The following ETV6 variants were observed in gnomAD, a reference collection of about 807,000 sequenced individuals.
ETV6 encodes the protein ETS variant transcription factor 6.
ETV6 carries 16 observed loss-of-function variants against 51.1 expected under a neutral mutation model. The observed-to-expected ratio is 0.31, with a 90% confidence interval of 0.21 to 0.48. The LOEUF (loss-of-function observed/expected upper bound fraction) is 0.48. Ranked by LOEUF, ETV6 falls within the 20% of genes least tolerant of loss-of-function variation. The pLI is 0.99. For missense variants in ETV6, 458 were observed against 594.8 expected, an observed-to-expected ratio of 0.77 and a Z score of 2.39; for synonymous variants, 240 against 224.1, an observed-to-expected ratio of 1.07 and a Z score of -0.64.
intron 3 of ETV6, 135 bp downstream of exon 3, chr12:11,839,439 G>A: frequency 1.1e-6 from 1 of 900,924 alleles, no homozygotes; most frequent in Non-Finnish European, 1.7e-6. Flanking sequence ...ATGGAAGGAA[G>A]TTGAAGGAAG....
intron 2 of ETV6, among the ~76,000 whole-genome samples, chr12:11,762,358 C>G (rs2952828): frequency 0.99 from 150,961 of 152,290 alleles, 74,829 homozygotes; most frequent in Middle Eastern, 1. Flanking sequence ...TGATTAGCGG[C>G]AATCCCCTCT....
chr12:11,693,961 A>G (rs1864822008), intron 1 of ETV6, among the ~76,000 whole-genome samples: 1 of 152,192 alleles, frequency 6.6e-6, no homozygotes, highest in South Asian at 2.1e-4. Flanking sequence ...TTCTCCCTCA[A>G]ACTAGGGAGA....
chr12:11,829,463 G>A (rs913978131), intron 2 of ETV6, among the ~76,000 whole-genome samples: 2 of 152,246 alleles, frequency 1.3e-5, no homozygotes, highest in Admixed American at 1.3e-4. Flanking sequence ...TTTAACCCAG[G>A]ACAATTTGAC....
chr12:11,765,203 C>G, intron 2 of ETV6, among the ~76,000 whole-genome samples: 1 of 152,200 alleles, frequency 6.6e-6, no homozygotes, highest in Non-Finnish European at 1.5e-5. Context: ...AACTATATGA[C>G]TCTCCCTAGT....
chr12:11,678,814 G>A (rs899096168), intron 1 of ETV6, among the ~76,000 whole-genome samples: 1 of 152,190 alleles, frequency 6.6e-6, no homozygotes, highest in African/African-American at 2.4e-5. Context: ...TTTGGGGATT[G>A]GAGAAGATGA....
intron 2 of ETV6, among the ~76,000 whole-genome samples, chr12:11,788,695 T>G (rs1002032277): frequency 1.3e-5 from 2 of 152,002 alleles, no homozygotes; most frequent in Non-Finnish European, 2.9e-5. Flanking sequence ...CACATTCAAA[T>G]CTTTTAACTG....
intron 1 of ETV6, among the ~76,000 whole-genome samples, chr12:11,709,623 A>G (rs1865136675): frequency 6.6e-6 from 1 of 152,230 alleles, no homozygotes. Context: ...CAGTGCTCAT[A>G]TGTATGATCA....
chr12:11,874,658 GTA>G lies in ETV6; in HGVS notation c.1009+4693_1009+4694del, dbSNP rs1555145782. 3.7e-3 allele frequency among the ~76,000 whole-genome samples: 50 copies of G among 13,556 alleles called. 23 individuals are homozygous for G. The highest frequency in any genetic ancestry group is 0.1 in the Middle Eastern group (2 of 20). The allele number at this position is 13,556 out of a possible 152,430, so 8.9% of individuals were successfully genotyped here. A position where few individuals can be genotyped will look rare whatever the true frequency, so the allele number is the denominator to read the frequency against. On this transcript the variant is annotated intron_variant, in intron 5 of 7. Coordinates refer to ENST00000396373, the MANE Select transcript of ETV6 (RefSeq NM_001987.5). Reference sequence around the variant, plus strand: ...TGTGTGTGTATATACACATATGTGTGTATATGTATATATGTGTGTATATATGT... The same window carrying G: ...TGTGTGTGTATATACACATATGTGTGTATGTATATATGTGTGTATATATGT...
intron 2 of ETV6, among the ~76,000 whole-genome samples, chr12:11,764,252 T>TG (rs1945131435): frequency 1.4e-5 from 2 of 145,090 alleles, no homozygotes; most frequent in African/African-American, 5.1e-5. Flanking sequence ...ATAAGCACTA[T>TG]AATTTGCTTA....
intron 3 of ETV6, among the ~76,000 whole-genome samples, chr12:11,851,290 T>C (rs2136486454): frequency 6.6e-6 from 1 of 152,278 alleles, no homozygotes; most frequent in South Asian, 2.1e-4. Flanking sequence ...TGTTTTCATT[T>C]TTCTATTCCG....
chr12:11,889,655 C>T (rs114290865), intron 7 of ETV6, among the ~76,000 whole-genome samples: 1 of 152,198 alleles, frequency 6.6e-6, no homozygotes, highest in African/African-American at 2.4e-5. Flanking sequence ...AGAGCATGCG[C>T]CATGATTTAT....
intron 2 of ETV6, among the ~76,000 whole-genome samples, chr12:11,763,228 T>C (rs898596083): frequency 8.5e-5 from 13 of 152,214 alleles, no homozygotes; most frequent in Non-Finnish European, 1.9e-4. Flanking sequence ...TGAAGCCACC[T>C]CACAAAGTCC....
At chr12:11,746,948 A>G (rs1865920694) in intron 1 of ETV6, among the ~76,000 whole-genome samples, 1 of 152,172 alleles carries the variant, frequency 6.6e-6, no homozygotes, top group Non-Finnish European at 1.5e-5. Flanking sequence ...AAGGCAGAAG[A>G]AAGGGACAAT....
chr12:11,768,855 TA>T, intron 2 of ETV6: 1 of 454,084 alleles, frequency 2.2e-6, no homozygotes, highest in South Asian at 1.6e-5. Context: ...TCCAGCTACA[TA>T]AAGAAGGTGG....
At chr12:11,825,148 C>T (rs1340270034) in intron 2 of ETV6, among the ~76,000 whole-genome samples, 2 of 152,018 alleles carry the variant, frequency 1.3e-5, no homozygotes, top group African/African-American at 2.4e-5. Flanking sequence ...AGATACGAAG[C>T]GTGGGGCAAA....
chr12:11,820,858 A>C (rs187129935), intron 2 of ETV6, among the ~76,000 whole-genome samples: 95 of 152,326 alleles, frequency 6.2e-4, no homozygotes, highest in Admixed American at 2.3e-3. Context: ...GATTTGAATC[A>C]ATCTCTGGCA....
intron 1 of ETV6, among the ~76,000 whole-genome samples, chr12:11,666,206 T>C (rs1864191047): frequency 6.6e-6 from 1 of 152,126 alleles, no homozygotes; most frequent in African/African-American, 2.4e-5. Context: ...TGCTGAAACT[T>C]CTCTGAGGTC....
At chr12:11,859,118 GGTTTTTTTTTTTTTTTTTTT>G (rs1433993673) in intron 4 of ETV6, among the ~76,000 whole-genome samples, 17 of 41,800 alleles carry the variant, frequency 4.1e-4, no homozygotes, top group African/African-American at 7.6e-4. Flanking sequence ...ATATGAATCT[GGTTTTTTTTTTTTTTTTTTT>G]TTTTTTTTTT....
rs76310063 is a variant in ETV6, at chr12:11,791,519, C to A, written c.163+38940C>A. Among the ~76,000 whole-genome samples, 348 of 152,276 alleles carry A rather than the reference C, an allele frequency of 2.3e-3. 1 individual carries two copies. Among genetic ancestry groups the A allele is most frequent in the African/African-American group, 8.1e-3 (336 of 41,536 alleles). On this transcript the variant is annotated intron_variant, in intron 2 of 7. Transcript: ENST00000396373. ...AGTACAACTTGAGTCACACGTGTGG[C>A]CCATAAAGATTCCTGTAAGGTCGTG... is the stretch of plus-strand genomic sequence containing the variant.
Sources: gnomAD v4.1 joint callset for allele counts (sites outside exome capture counted in the v4.1 genomes callset) on GRCh38, gnomAD v4.1.1 for gene constraint, MANE v1.5 for transcripts, NCBI Gene and HGNC (gene_info 2026-07-23, HGNC 2026-07-21) for gene names.